GHR: variants seen among roughly 807,000 people sequenced by gnomAD.
The protein encoded by GHR is growth hormone receptor.
In GHR, 35 loss-of-function variants were observed where a neutral mutation model predicts 67.1. The ratio of observed to expected loss-of-function variants is 0.52; its 90% CI spans 0.40 to 0.69. The LOEUF (loss-of-function observed/expected upper bound fraction) is 0.69. Among genes scored for constraint, GHR ranks in the 30% least tolerant of loss-of-function variants. The pLI is 0.00. For missense variants in GHR, 792 were observed against 764.6 expected (o/e 1.04, Z -0.42); for synonymous variants, 272 against 269.1 (o/e 1.01, Z -0.10).
intron 4 of GHR, among the ~76,000 whole-genome samples, chr5:42,691,765 G>A (rs1757433331): frequency 1.3e-5 from 2 of 152,048 alleles, no homozygotes; most frequent in Admixed American, 1.3e-4. Flanking sequence ...CTCCTTGCCA[G>A]GTGGCTGGCA....
At chr5:42,660,407 A>G (rs574021624) in intron 3 of GHR, among the ~76,000 whole-genome samples, 1 of 152,304 alleles carries the variant, frequency 6.6e-6, no homozygotes, top group South Asian at 2.1e-4. Flanking sequence ...CTCCTCTGAG[A>G]CAAAACTTCC....
chr5:42,487,914 A>C (rs999969938), intron 1 of GHR, among the ~76,000 whole-genome samples: 1 of 152,220 alleles, frequency 6.6e-6, no homozygotes, highest in Non-Finnish European at 1.5e-5. Context: ...ATTCTCCCTC[A>C]AAATTTAACC....
At chr5:42,701,014 G>A (rs1455843141) in intron 6 of GHR, among the ~76,000 whole-genome samples, 1 of 152,108 alleles carries the variant, frequency 6.6e-6, no homozygotes, top group Non-Finnish European at 1.5e-5. Flanking sequence ...TTAACAACAG[G>A]TACTGAAATA....
intron 6 of GHR, among the ~76,000 whole-genome samples, chr5:42,705,014 T>TA (rs1407293767): frequency 1.3e-5 from 2 of 152,082 alleles, no homozygotes; most frequent in Non-Finnish European, 2.9e-5. Flanking sequence ...AAAAGCACAT[T>TA]AAAAGGATCA....
At chr5:42,625,941 T>C (rs1323491577) in intron 2 of GHR, among the ~76,000 whole-genome samples, 1 of 152,140 alleles carries the variant, frequency 6.6e-6, no homozygotes, top group Non-Finnish European at 1.5e-5. Context: ...TATTTTTTCC[T>C]TGTCTCATAA....
intron 3 of GHR, among the ~76,000 whole-genome samples, chr5:42,640,506 A>C (rs756759094): frequency 6.6e-6 from 1 of 152,102 alleles, no homozygotes; most frequent in Non-Finnish European, 1.5e-5. Context: ...CTGGAAGAGT[A>C]GGACTTGCCT....
chr5:42,482,592 T>C (rs1329105225), intron 1 of GHR, among the ~76,000 whole-genome samples: 1 of 152,024 alleles, frequency 6.6e-6, no homozygotes, highest in East Asian at 1.9e-4. Flanking sequence ...TGGGCGCCCC[T>C]CCCCCAGCCT....
intron 3 of GHR, among the ~76,000 whole-genome samples, chr5:42,666,774 T>A (rs1331107797): frequency 6.6e-6 from 1 of 152,148 alleles, no homozygotes; most frequent in African/African-American, 2.4e-5. Context: ...GAATCTGCAT[T>A]TTAACACAAT....
intron 2 of GHR, among the ~76,000 whole-genome samples, chr5:42,574,713 C>A (rs1750550165): frequency 1.3e-5 from 2 of 152,064 alleles, no homozygotes; most frequent in African/African-American, 4.8e-5. Flanking sequence ...ATATTAATAA[C>A]CAAAATAGAA....
intron 3 of GHR, among the ~76,000 whole-genome samples, chr5:42,653,818 A>G (rs1167057896): frequency 1.3e-5 from 2 of 152,274 alleles, no homozygotes; most frequent in Admixed American, 1.3e-4. Context: ...TGATGATCCT[A>G]TAAAATTTCC....
rs1036625271 is a variant in GHR at position 42,719,171 on chromosome 5, A to G, written c.1664A>G (p.His555Arg). ...PVAPHIKVES[H>R]IQPSLNQEDI... The stretch of plus-strand genomic sequence containing the variant: ...GCTCCTCACATCAAGGTTGAATCAC[A>G]CATACAGCCAAGCTTAAACCAAGAG... The change falls in exon 10 of 10, where the codon CAC becomes CGC. Residue 555 changes from histidine (H) to arginine (R), a missense_variant. His to Arg is a conservative substitution (Grantham distance 29). Coordinates refer to ENST00000230882, the MANE Select transcript of GHR (RefSeq NM_000163.5). 1 of 1,614,174 alleles carries G rather than the reference A, an allele frequency of 6.2e-7. No homozygotes were observed. Among genetic ancestry groups the G allele is most frequent in the Non-Finnish European group, 8.5e-7 (1 of 1,180,018 alleles).
At chr5:42,477,006 G>A (rs780794578) in intron 1 of GHR, among the ~76,000 whole-genome samples, 38 of 151,662 alleles carry the variant, frequency 2.5e-4, no homozygotes, top group South Asian at 1.3e-3. Context: ...AGCGTTAGGT[G>A]TATCTCCTAA....
chr5:42,621,207 G>A (rs993350707), intron 2 of GHR, among the ~76,000 whole-genome samples: 5 of 152,042 alleles, frequency 3.3e-5, no homozygotes, highest in Non-Finnish European at 7.4e-5. Context: ...AAAAGCTGGA[G>A]GAATTACTGG....
chr5:42,717,957 T>G, intron 8 of GHR, 95 bp from the exon 9 acceptor site: 6 of 725,584 alleles, frequency 8.3e-6, no homozygotes, highest in Non-Finnish European at 1.5e-5. Flanking sequence ...TTGGAAAAAG[T>G]AATAGTATTG....
chr5:42,614,156 G>T (rs1753023196), intron 2 of GHR, among the ~76,000 whole-genome samples: 1 of 152,066 alleles, frequency 6.6e-6, no homozygotes, highest in Non-Finnish European at 1.5e-5. Flanking sequence ...GTTCCCTCCA[G>T]AAGTAAAATG....
intron 1 of GHR, among the ~76,000 whole-genome samples, chr5:42,471,811 C>A (rs1025134700): frequency 2.0e-5 from 3 of 152,170 alleles, no homozygotes; most frequent in African/African-American, 7.2e-5. Flanking sequence ...GTAACAGAAT[C>A]ATTTAATGGC....
chr5:42,516,007 T>C (rs942399956), intron 1 of GHR, among the ~76,000 whole-genome samples: 4 of 152,192 alleles, frequency 2.6e-5, no homozygotes, highest in African/African-American at 9.6e-5. Context: ...CTTCATTTGG[T>C]TAGTTTTTAG....
chr5:42,492,776 G>A (rs189411351), intron 1 of GHR, among the ~76,000 whole-genome samples: 9 of 152,310 alleles, frequency 5.9e-5, no homozygotes, highest in Admixed American at 3.9e-4. Context: ...ACTCTTAAGA[G>A]AAAGCTTTAC....
At chr5:42,444,600 G>T (rs1743728178) in intron 1 of GHR, among the ~76,000 whole-genome samples, 1 of 152,138 alleles carries the variant, frequency 6.6e-6, no homozygotes. Flanking sequence ...AGATTCCTGA[G>T]CCCAGTATTC....
Sources: gnomAD v4.1 joint callset for allele counts (sites outside exome capture counted in the v4.1 genomes callset) on GRCh38, gnomAD v4.1.1 for gene constraint, MANE v1.5 for transcripts, NCBI Gene and HGNC (gene_info 2026-07-23, HGNC 2026-07-21) for gene names.